The following KLF13 variants were observed in gnomAD, a reference collection of about 807,000 sequenced individuals.
KLF13 encodes Krueppel-like factor 13.
In KLF13, 8 loss-of-function variants were observed where a neutral mutation model predicts 16.7. The ratio of observed to expected loss-of-function variants is 0.48; its 90% CI spans 0.28 to 0.87. KLF13 has a LOEUF of 0.87. Among genes scored for constraint, KLF13 ranks in the 40% least tolerant of loss-of-function variants. The pLI is 0.10. For missense variants in KLF13, 447 were observed against 452.2 expected (o/e 0.99, Z 0.10); for synonymous variants, 245 against 208.4 (o/e 1.18, Z -1.51).
intron 1 of KLF13, among the ~76,000 whole-genome samples, chr15:31,352,011 CAA>C (rs879823590): frequency 6.9e-5 from 9 of 130,884 alleles, no homozygotes; most frequent in Middle Eastern, 3.9e-3. Flanking sequence ...GACTCCGTGT[CAA>C]AAAAAAAAAA....
chr15:31,394,825 G>T (rs2039933373), intron 2 of KLF13, among the ~76,000 whole-genome samples: 1 of 152,036 alleles, frequency 6.6e-6, no homozygotes, highest in Non-Finnish European at 1.5e-5. Context: ...ATTTTCCCTG[G>T]CCCTAGGAGC....
chr15:31,389,948 G>T (rs1415189366), upstream of KLF13, among the ~76,000 whole-genome samples: 1 of 152,140 alleles, frequency 6.6e-6, no homozygotes, highest in Admixed American at 6.5e-5. Flanking sequence ...AACTCATTTT[G>T]CCTTCCCTCA....
chr15:31,328,903 A>G (rs1015887989), intron 1 of KLF13, among the ~76,000 whole-genome samples: 3 of 152,158 alleles, frequency 2.0e-5, no homozygotes, highest in South Asian at 2.1e-4. Context: ...AAACCCGTCT[A>G]CTGAATACTG....
chr15:31,417,418 C>T (rs1316958155), intron 1 of KLF13, among the ~76,000 whole-genome samples: 1 of 151,824 alleles, frequency 6.6e-6, no homozygotes, highest in Non-Finnish European at 1.5e-5. Context: ...TTGCTTGAAC[C>T]CGGGAGGCAG....
intron 1 of KLF13, among the ~76,000 whole-genome samples, chr15:31,370,165 G>A (rs967963946): frequency 6.8e-6 from 1 of 147,846 alleles, no homozygotes. Context: ...TTGGGAAATC[G>A]TGGTGGCTAC....
At chr15:31,423,675 A>G (rs778074751) in intron 1 of KLF13, among the ~76,000 whole-genome samples, 6 of 152,170 alleles carry the variant, frequency 3.9e-5, no homozygotes, top group Non-Finnish European at 4.4e-5. Flanking sequence ...AGTTGGACCT[A>G]CAGACATATA....
downstream of KLF13, among the ~76,000 whole-genome samples, chr15:31,408,822 G>C (rs920485964): frequency 6.6e-6 from 1 of 152,022 alleles, no homozygotes; most frequent in Non-Finnish European, 1.5e-5. Flanking sequence ...GCAGAGAGGT[G>C]GAAACTGTAT....
At chr15:31,382,870 G>A (rs1566828622), downstream of KLF13, among the ~76,000 whole-genome samples, 1 of 152,332 alleles carries the variant, frequency 6.6e-6, no homozygotes, top group South Asian at 2.1e-4. Flanking sequence ...AGTCGTGACG[G>A]GCGTTGCCCT....
rs1380873436 is a variant in KLF13, at chr15:31,327,586, C to G, written c.374C>G (p.Pro125Arg). ...CCCCCCAGCCCGGCGTGGAGCGAGC[C>G]GGAGCCCGAGGCGGGGCTGGAGCCC... ...AAPPSPAWSE[P>R]EPEAGLEPER... The change falls in exon 1 of 2, where the codon CCG (proline) becomes CGG (arginine). Residue 125 changes from proline (P) to arginine (R), a missense_variant. Coordinates refer to ENST00000307145, the MANE Select transcript of KLF13 (RefSeq NM_015995.4). The G allele has an allele frequency of 8.2e-7, 1 of 1,223,942 alleles. No individual in the cohort carries two copies. Among genetic ancestry groups the G allele is most frequent in the Non-Finnish European group, 1.0e-6 (1 of 971,734 alleles). 75.8% of individuals were successfully genotyped at this position (1,223,942 alleles called of 1,614,324 possible).
downstream of KLF13, among the ~76,000 whole-genome samples, chr15:31,407,919 T>G (rs1159615967): frequency 1.3e-5 from 2 of 152,232 alleles, no homozygotes. Flanking sequence ...TACCTCATAC[T>G]AAAATCACTG....
downstream of KLF13, among the ~76,000 whole-genome samples, chr15:31,379,990 A>G (rs1254778145): frequency 6.6e-6 from 1 of 152,180 alleles, no homozygotes; most frequent in Non-Finnish European, 1.5e-5. Flanking sequence ...TCACAGTGAC[A>G]TCTGCCCCTC....
intron 1 of KLF13, among the ~76,000 whole-genome samples, chr15:31,355,145 A>G (rs2039280343): frequency 2.0e-5 from 3 of 152,228 alleles, no homozygotes; most frequent in African/African-American, 7.2e-5. Flanking sequence ...ATCAAAAGCA[A>G]CAACAACCGA....
Position 31,417,687 on chromosome 15 carries a change from G to A in KLF13, n.118-17683G>A, listed in dbSNP as rs139522197. On this transcript the variant is annotated intron_variant and non_coding_transcript_variant, in intron 1 of 1. Transcript: ENST00000558225. The stretch of plus-strand genomic sequence containing the variant: ...CTCCCGAGTAGCTGGGATTACAGGC[G>A]CATACCACCATGCTTTGCTAATTTT... 8.9e-3 allele frequency among the ~76,000 whole-genome samples: 1,348 copies of A among 151,534 alleles called. 9 individuals are homozygous for A. Among genetic ancestry groups the A allele is most frequent in the Non-Finnish European group, 0.016 (1,056 of 67,864 alleles).
At chr15:31,333,652 T>C (rs1181566329) in intron 1 of KLF13, among the ~76,000 whole-genome samples, 1 of 152,194 alleles carries the variant, frequency 6.6e-6, no homozygotes, top group African/African-American at 2.4e-5. Context: ...ATATATTATC[T>C]GATACGCAGT....
chr15:31,362,285 T>C (rs2039402227), intron 1 of KLF13, among the ~76,000 whole-genome samples: 1 of 152,238 alleles, frequency 6.6e-6, no homozygotes, highest in Admixed American at 6.5e-5. Flanking sequence ...GGGAGGGCCC[T>C]TCTCCAATAG....
At chr15:31,355,016 G>T (rs4779865) in intron 1 of KLF13, among the ~76,000 whole-genome samples, 1 of 152,002 alleles carries the variant, frequency 6.6e-6, no homozygotes, top group African/African-American at 2.4e-5. Context: ...AAAACCCCCG[G>T]GCTTGGGGTT....
At chr15:31,361,269 C>T (rs2039380017) in intron 1 of KLF13, among the ~76,000 whole-genome samples, 1 of 152,150 alleles carries the variant, frequency 6.6e-6, no homozygotes, top group Admixed American at 6.5e-5. Flanking sequence ...CTGTTCCATG[C>T]TGGGGAGGGG....
At chr15:31,340,939 A>C (rs1183262531) in intron 1 of KLF13, among the ~76,000 whole-genome samples, 1 of 152,208 alleles carries the variant, frequency 6.6e-6, no homozygotes, top group African/African-American at 2.4e-5. Flanking sequence ...GGAGTCCAAA[A>C]CATGAGCACA....
At chr15:31,435,416 G>A (rs1372952216) in exon 2 of KLF13, 1 of 152,166 alleles carries the variant, frequency 6.6e-6, no homozygotes, top group Non-Finnish European at 1.5e-5. Flanking sequence ...CGGGAGGCTG[G>A]AGAGCTTGTC....
Sources: gnomAD v4.1 joint callset for allele counts (sites outside exome capture counted in the v4.1 genomes callset) on GRCh38, gnomAD v4.1.1 for gene constraint, MANE v1.5 for transcripts, NCBI Gene and HGNC (gene_info 2026-07-23, HGNC 2026-07-21) for gene names.